SYCP2L: variants seen among roughly 807,000 people sequenced by gnomAD.
SYCP2L encodes the protein synaptonemal complex protein 2-like.
A neutral mutation model predicts 125.8 loss-of-function variants in SYCP2L; 98 were observed. The ratio of observed to expected loss-of-function variants is 0.78; its 90% confidence interval spans 0.66 to 0.92. The LOEUF (loss-of-function observed/expected upper bound fraction) is 0.92. Among genes scored for constraint, SYCP2L ranks in the 40% least tolerant of loss-of-function variants. The pLI, the probability that SYCP2L is intolerant of heterozygous loss-of-function variation, is 0.00. For missense variants in SYCP2L, 842 were observed against 936.4 expected, an observed-to-expected ratio of 0.90 and a Z score of 1.32; for synonymous variants, 317 against 325.4, an observed-to-expected ratio of 0.97 and a Z score of 0.28.
chr6:10,888,413 T>G (rs1241389400), intron 1 of SYCP2L, among the ~76,000 whole-genome samples: 1 of 152,050 alleles, frequency 6.6e-6, no homozygotes, highest in Admixed American at 6.6e-5. Flanking sequence ...GTTTTTTAAA[T>G]GAGGAGACTG....
chr6:10,900,545 G>A (rs1780359357), intron 6 of SYCP2L, among the ~76,000 whole-genome samples: 8 of 152,084 alleles, frequency 5.3e-5, no homozygotes, highest in Admixed American at 5.2e-4. Context: ...TAGAGATGGG[G>A]TTTCACTATT....
chr6:10,969,351 A>T (rs1781730445), intron 29 of SYCP2L, among the ~76,000 whole-genome samples: 1 of 147,456 alleles, frequency 6.8e-6, no homozygotes, highest in Non-Finnish European at 1.5e-5. Flanking sequence ...CCCTTCTAGG[A>T]AATTATCTTT....
At chr6:10,898,473 C>T (rs751340780) in intron 5 of SYCP2L, among the ~76,000 whole-genome samples, 15 of 152,228 alleles carry the variant, frequency 9.9e-5, no homozygotes, top group Admixed American at 3.9e-4. Flanking sequence ...CGAGACCACG[C>T]GATTGTACTT....
rs1048161637 is a variant in SYCP2L at position 10,906,146 on chromosome 6, G to A, written c.676+92G>A. On this transcript the variant is annotated intron_variant, in intron 9 of 29. Transcript: ENST00000283141. ...CTTGGGACTATGGGGAATAAATTATGGTTAAATTGAAGATAGGAATCAGGG... is the reference window on the plus strand; with the variant it reads ...CTTGGGACTATGGGGAATAAATTATAGTTAAATTGAAGATAGGAATCAGGG... The A allele has an allele frequency of 4.2e-6, 3 of 709,070 alleles. No homozygotes were observed. The East Asian group carries it at 7.9e-5, about 19-fold the overall frequency. 43.9% of individuals were successfully genotyped at this position (709,070 alleles called of 1,614,324 possible).
chr6:10,902,121 G>A (rs1384116149), intron 6 of SYCP2L, among the ~76,000 whole-genome samples: 1 of 152,204 alleles, frequency 6.6e-6, no homozygotes, highest in Non-Finnish European at 1.5e-5. Context: ...ATTTACCCCT[G>A]GAACTGATCG....
At chr6:10,923,380 CTTTTTTTTTTT>C (rs1226992236) in intron 14 of SYCP2L, among the ~76,000 whole-genome samples, 18 of 92,460 alleles carry the variant, frequency 1.9e-4, no homozygotes, top group Admixed American at 3.0e-4. Flanking sequence ...GAAACACACA[CTTTTTTTTTTT>C]TTTTTTTTTT....
intron 14 of SYCP2L, among the ~76,000 whole-genome samples, chr6:10,923,379 A>AT (rs1780834358): frequency 8.9e-6 from 1 of 112,286 alleles, no homozygotes. Context: ...TGAAACACAC[A>AT]CTTTTTTTTT....
chr6:10,924,573 GA>G lies in SYCP2L; in HGVS notation c.1153del (p.Ile385SerfsTer17), dbSNP rs1780865693. 6.2e-7 allele frequency: 1 copy of G among 1,605,534 alleles called. No individual in the cohort carries two copies. Among genetic ancestry groups the G allele is most frequent in the Non-Finnish European group, 8.5e-7 (1 of 1,177,774 alleles). On this transcript the variant is annotated frameshift_variant, in exon 15 of 30. Transcript: ENST00000283141. LOFTEE classifies it high-confidence loss of function. Reference protein sequence around the residue: ...IISYKEVMKIEIHFDLQFNIS... With the variant: ...IISYKEVMKIXIHFDLQFNIS... Reference sequence around the variant, plus strand: ...CAGCTACAAAGAAGTCATGAAAATAGAAATCCATTTTGATTTGCAGTTCAAC... The same window carrying G: ...CAGCTACAAAGAAGTCATGAAAATAGAATCCATTTTGATTTGCAGTTCAAC...
chr6:10,892,344 A>G (rs927885202), intron 2 of SYCP2L, among the ~76,000 whole-genome samples: 1 of 152,178 alleles, frequency 6.6e-6, no homozygotes, highest in Non-Finnish European at 1.5e-5. Context: ...CTGTTACCCC[A>G]GCTGGAGTGC....
chr6:10,956,013 C>T (rs534350549), intron 24 of SYCP2L, 123 bp from the exon 25 acceptor site: 264 of 719,666 alleles, frequency 3.7e-4, no homozygotes, highest in Non-Finnish European at 5.8e-4. Context: ...AGGCAGTCAG[C>T]GGGGCTTCCA....
intron 5 of SYCP2L, 109 bp from the exon 6 acceptor site, chr6:10,898,715 A>ACAG: frequency 2.5e-6 from 2 of 785,614 alleles, no homozygotes; most frequent in Non-Finnish European, 4.4e-6. Context: ...TTTCTTCTGT[A>ACAG]AAGTCAATGC....
At position 10,924,539 on chromosome 6, in the gene SYCP2L, C is replaced by T. The variant is rs368694574; in HGVS notation, c.1116C>T (p.Pro372=). ...IKIFIIYLKK[P]MIISYKEVMK... is the part of the protein sequence containing the mutation. Reference sequence around the variant, plus strand: ...TATTTATCATTTACCTGAAGAAGCCCATGATTATCAGCTACAAAGAAGTCA... The same window carrying T: ...TATTTATCATTTACCTGAAGAAGCCTATGATTATCAGCTACAAAGAAGTCA... The change falls in exon 15 of 30, where the codon CCC becomes CCT. Residue 372 remains proline, a synonymous_variant. Transcript: ENST00000283141. The T allele has an allele frequency of 1.5e-5, 24 of 1,598,294 alleles. No individual in the cohort carries two copies. In the African/African-American group the frequency reaches 3.0e-4, roughly 20 times the overall value.
chr6:10,956,195 C>G lies in SYCP2L; in HGVS notation c.2116C>G (p.Leu706Val). The change falls in exon 25 of 30, where the codon CTC (leucine) becomes GTC (valine). Residue 706 changes from leucine (L) to valine (V), a missense_variant. Transcript: ENST00000283141. Reference protein sequence around the residue: ...VPENLNGSAILPTFENFTKKR... With the variant: ...VPENLNGSAIVPTFENFTKKR... Reference sequence around the variant, plus strand: ...AGAGAACTTGAACGGTTCTGCCATTCTCCCAACCTTTGAAAACTTCACTAA... The same window carrying G: ...AGAGAACTTGAACGGTTCTGCCATTGTCCCAACCTTTGAAAACTTCACTAA... The G allele has an allele frequency of 6.2e-7, 1 of 1,613,964 alleles. No individual in the cohort carries two copies. Among genetic ancestry groups the G allele is most frequent in the Non-Finnish European group, 8.5e-7 (1 of 1,179,990 alleles).
intron 29 of SYCP2L, among the ~76,000 whole-genome samples, chr6:10,965,610 A>T (rs1385460343): frequency 6.6e-6 from 1 of 152,262 alleles, no homozygotes; most frequent in African/African-American, 2.4e-5. Flanking sequence ...CAAAGTTGTC[A>T]GAGAAGTACC....
intron 23 of SYCP2L, among the ~76,000 whole-genome samples, chr6:10,945,555 C>T (rs561054927): frequency 5.3e-5 from 8 of 151,904 alleles, no homozygotes; most frequent in Admixed American, 1.3e-4. Context: ...GGATCACCTG[C>T]GGTCAGGAGT....
At chr6:10,887,923 AC>A (rs1780104487) in intron 1 of SYCP2L, among the ~76,000 whole-genome samples, 1 of 152,076 alleles carries the variant, frequency 6.6e-6, no homozygotes, top group African/African-American at 2.4e-5. Flanking sequence ...CTTAAGCATA[AC>A]CTCCTCACCC....
intron 14 of SYCP2L, among the ~76,000 whole-genome samples, chr6:10,917,904 A>G (rs952293568): frequency 1.3e-5 from 2 of 152,120 alleles, no homozygotes; most frequent in African/African-American, 4.8e-5. Flanking sequence ...TCATATGTGA[A>G]GCTTATTTTC....
chr6:10,958,790 T>G lies in SYCP2L; in HGVS notation c.2170T>G (p.Tyr724Asp). The stretch of plus-strand genomic sequence containing the variant: ...TATTGTTGTTATGATTTAGCTTAGG[T>G]ACAGAAAGCGTCCGTTTAATTCAGA... ...KKRKRKYELRYRKRPFNSENA... is the reference protein window; with the variant it reads ...KKRKRKYELRDRKRPFNSENA... Residue 724 changes from tyrosine to aspartate, a missense_variant, in exon 26 of 30, where the codon TAC becomes GAC. Physicochemically the swap from Tyr to Asp is radical, Grantham distance 160. Transcript: ENST00000283141. 1 of 1,613,006 alleles carries G rather than the reference T, an allele frequency of 6.2e-7. No homozygotes were observed. The highest frequency in any genetic ancestry group is 8.5e-7 in the Non-Finnish European group (1 of 1,179,666).
chr6:10,920,793 C>T (rs377350189), intron 14 of SYCP2L, among the ~76,000 whole-genome samples: 19 of 150,212 alleles, frequency 1.3e-4, no homozygotes, highest in African/African-American at 4.2e-4. Context: ...CAGAGAGTGC[C>T]TCATGGAAAG....
Sources: gnomAD v4.1 joint callset for allele counts (sites outside exome capture counted in the v4.1 genomes callset) on GRCh38, gnomAD v4.1.1 for gene constraint, MANE v1.5 for transcripts, NCBI Gene and HGNC (gene_info 2026-07-23, HGNC 2026-07-21) for gene names.